ALDH1A2: variants seen among roughly 807,000 people sequenced by gnomAD.
The protein encoded by ALDH1A2 is aldehyde dehydrogenase 1 family member A2.
Under a neutral mutation model 60.3 loss-of-function variants are expected in ALDH1A2, and 27 were observed. The ratio of observed to expected loss-of-function variants is 0.45; its 90% CI spans 0.33 to 0.62. The LOEUF (loss-of-function observed/expected upper bound fraction) is 0.62. Ranked by LOEUF, ALDH1A2 falls within the 20% of genes least tolerant of loss-of-function variation. The probability of loss-of-function intolerance (pLI) is 0.02; values close to 1 mark genes in which losing one functional copy is unlikely to be tolerated. For synonymous variants in ALDH1A2, 289 were observed against 232.4 expected (o/e 1.24, Z -2.21); for missense variants, 581 against 643.8 (o/e 0.90, Z 1.06).
chr15:57,980,357 C>A, intron 7 of ALDH1A2: 1 of 396,116 alleles, frequency 2.5e-6, no homozygotes, highest in Admixed American at 2.6e-5. Flanking sequence ...CATGTCATAG[C>A]TGACTACAGC....
At chr15:58,008,606 C>T (rs543977983) in intron 4 of ALDH1A2, among the ~76,000 whole-genome samples, 12 of 152,068 alleles carry the variant, frequency 7.9e-5, no homozygotes, top group Non-Finnish European at 1.5e-4. Context: ...TGTGCATTGC[C>T]TTCTGTTTCA....
chr15:58,004,329 A>C (rs541492109), intron 4 of ALDH1A2, among the ~76,000 whole-genome samples: 1 of 151,730 alleles, frequency 6.6e-6, no homozygotes, highest in Non-Finnish European at 1.5e-5. Context: ...CTAAAATGCA[A>C]TTTTTCAAAT....
At chr15:58,044,927 T>C (rs142135707) in intron 1 of ALDH1A2, among the ~76,000 whole-genome samples, 225 of 152,026 alleles carry the variant, frequency 1.5e-3, no homozygotes, top group African/African-American at 5.2e-3. Context: ...TTCCCTTCTC[T>C]GTAGAATCTC....
intron 1 of ALDH1A2, among the ~76,000 whole-genome samples, chr15:58,018,791 G>C (rs1285598500): frequency 6.6e-6 from 1 of 152,016 alleles, no homozygotes; most frequent in Non-Finnish European, 1.5e-5. Context: ...CCAAACTAAA[G>C]CATATTCCAC....
In ALDH1A2 at chr15:58,019,589, A is replaced by G. The variant is rs555968503; in HGVS notation, c.118-5308T>C. On this transcript the variant is annotated intron_variant, in intron 1 of 12. Coordinates refer to ENST00000249750, the MANE Select transcript of ALDH1A2 (RefSeq NM_003888.4). The stretch of plus-strand genomic sequence containing the variant: ...TGTGATGCTGTAACCGAAGGTAAAA[A>G]GAACAGATGGTCCATAAAAGAAGGC... Among the ~76,000 whole-genome samples the G allele has an allele frequency of 8.5e-5, 13 of 152,362 alleles. No individual in the cohort carries two copies. The East Asian group carries it at 2.3e-3, about 27-fold the overall frequency.
At chr15:57,985,562 C>A (rs1210493280) in intron 7 of ALDH1A2, among the ~76,000 whole-genome samples, 1 of 152,134 alleles carries the variant, frequency 6.6e-6, no homozygotes, top group Non-Finnish European at 1.5e-5. Flanking sequence ...AAATAGTAAA[C>A]CCTATGCTTA....
intron 1 of ALDH1A2, among the ~76,000 whole-genome samples, chr15:58,030,926 G>A (rs536381947): frequency 2.0e-5 from 3 of 152,112 alleles, no homozygotes; most frequent in African/African-American, 7.2e-5. Flanking sequence ...TGGATAGGAA[G>A]AATCAATATT....
chr15:57,991,576 C>G (rs983379161), intron 7 of ALDH1A2: 1 of 152,124 alleles, frequency 6.6e-6, no homozygotes. Context: ...TGAAATGTGG[C>G]TAGTCTGAAG....
intron 7 of ALDH1A2, among the ~76,000 whole-genome samples, chr15:57,981,064 C>T (rs1433430185): frequency 6.6e-6 from 1 of 152,124 alleles, no homozygotes; most frequent in East Asian, 1.9e-4. Flanking sequence ...GTGGTGATAA[C>T]CCCTTTATCG....
At chr15:57,959,249 G>GA (rs1893641800) in intron 12 of ALDH1A2, among the ~76,000 whole-genome samples, 2 of 152,200 alleles carry the variant, frequency 1.3e-5, no homozygotes, top group South Asian at 4.1e-4. Flanking sequence ...CAGCATTTCA[G>GA]AGACTGGGAG....
chr15:58,001,811 G>T (rs1251598188), intron 4 of ALDH1A2, among the ~76,000 whole-genome samples: 1 of 151,732 alleles, frequency 6.6e-6, no homozygotes. Flanking sequence ...CAAATATGAG[G>T]GATTACAGAG....
chr15:58,004,943 T>C (rs1278909145), intron 4 of ALDH1A2, among the ~76,000 whole-genome samples: 2 of 151,546 alleles, frequency 1.3e-5, no homozygotes, highest in South Asian at 2.1e-4. Context: ...ATTGTTAAAA[T>C]GACCATACTT....
chr15:57,986,674 ATAT>A (rs1179850125), intron 7 of ALDH1A2, among the ~76,000 whole-genome samples: 2 of 150,282 alleles, frequency 1.3e-5, no homozygotes, highest in Non-Finnish European at 3.0e-5. Flanking sequence ...TTTCATTATT[ATAT>A]TATTATTATT....
At chr15:57,995,663 G>C (rs1221313263) in intron 4 of ALDH1A2, among the ~76,000 whole-genome samples, 1 of 152,066 alleles carries the variant, frequency 6.6e-6, no homozygotes, top group Admixed American at 6.6e-5. Context: ...CCTGGGTAGT[G>C]ATGAGACATA....
chr15:58,060,297 A>G (rs902563263), intron 1 of ALDH1A2, among the ~76,000 whole-genome samples: 1 of 152,146 alleles, frequency 6.6e-6, no homozygotes, highest in South Asian at 2.1e-4. Flanking sequence ...TATAGTCATC[A>G]CTTTGCAAAA....
At chr15:58,027,012 G>GA (rs1896097561) in intron 1 of ALDH1A2, among the ~76,000 whole-genome samples, 1 of 152,196 alleles carries the variant, frequency 6.6e-6, no homozygotes, top group African/African-American at 2.4e-5. Flanking sequence ...GGACAGCTCT[G>GA]AAGACAGCAG....
At chr15:57,963,784 C>G in intron 9 of ALDH1A2, 101 bp downstream of exon 9, 1 of 1,291,978 alleles carries the variant, frequency 7.7e-7, no homozygotes, top group East Asian at 2.3e-5. Context: ...AGGAGTCAGC[C>G]GAAAAGGAAG....
At chr15:58,047,814 T>C (rs1284526310) in intron 1 of ALDH1A2, among the ~76,000 whole-genome samples, 3 of 151,962 alleles carry the variant, frequency 2.0e-5, no homozygotes, top group Admixed American at 6.6e-5. Flanking sequence ...CGCCAAAACA[T>C]CTGGCTAAAA....
At chr15:57,974,432 C>CAAAAAAAAA (rs61170362) in intron 7 of ALDH1A2, among the ~76,000 whole-genome samples, 1 of 96,710 alleles carries the variant, frequency 1.0e-5, no homozygotes, top group Non-Finnish European at 1.9e-5. Flanking sequence ...GACTCCATCT[C>CAAAAAAAAA]AAAAAAAAAA....
Sources: gnomAD v4.1 joint callset for allele counts (sites outside exome capture counted in the v4.1 genomes callset) on GRCh38, gnomAD v4.1.1 for gene constraint, MANE v1.5 for transcripts, NCBI Gene and HGNC (gene_info 2026-07-23, HGNC 2026-07-21) for gene names.